The following CHN2 variants were observed in gnomAD, a reference collection of about 807,000 sequenced individuals.
CHN2 encodes the protein chimerin 2.
CHN2 carries 35 observed loss-of-function variants against 56.3 expected under a neutral mutation model. That is an observed-to-expected ratio of 0.62 (90% CI 0.47 to 0.82). The LOEUF (loss-of-function observed/expected upper bound fraction) is 0.82. Ranked by LOEUF, CHN2 falls within the 40% of genes least tolerant of loss-of-function variation. CHN2 has a pLI of 0.00. For missense variants in CHN2, 491 were observed against 580.5 expected (o/e 0.85, Z 1.58); for synonymous variants, 210 against 212.8 (o/e 0.99, Z 0.12).
chr7:29,480,748 A>C (rs981674043), intron 7 of CHN2, among the ~76,000 whole-genome samples: 1 of 152,208 alleles, frequency 6.6e-6, no homozygotes, highest in Non-Finnish European at 1.5e-5. Flanking sequence ...AAGGGAAAAC[A>C]GTTGCCTGTT....
chr7:29,446,416 T>A (rs190769780), intron 6 of CHN2, among the ~76,000 whole-genome samples: 2 of 152,328 alleles, frequency 1.3e-5, no homozygotes, highest in African/African-American at 4.8e-5. Flanking sequence ...TGTGTATCTA[T>A]ATCTCAAAAG....
At chr7:29,196,331 C>T (rs990386245) in intron 1 of CHN2, among the ~76,000 whole-genome samples, 10 of 152,152 alleles carry the variant, frequency 6.6e-5, no homozygotes, top group African/African-American at 2.4e-4. Context: ...ATTGAAAACA[C>T]GTTGTTGTTA....
At chr7:29,285,617 C>T (rs952700350) in intron 1 of CHN2, among the ~76,000 whole-genome samples, 13 of 152,222 alleles carry the variant, frequency 8.5e-5, no homozygotes, top group Non-Finnish European at 1.9e-4. Flanking sequence ...TCAAAATTCC[C>T]TTTTCACATA....
chr7:29,409,181 A>C (rs1043101850), intron 6 of CHN2, among the ~76,000 whole-genome samples: 1 of 152,128 alleles, frequency 6.6e-6, no homozygotes, highest in Admixed American at 6.5e-5. Context: ...GACTTGTAAA[A>C]ATCATCCCAG....
At chr7:29,324,825 C>G (rs1795682800) in intron 1 of CHN2, among the ~76,000 whole-genome samples, 2 of 152,100 alleles carry the variant, frequency 1.3e-5, no homozygotes, top group African/African-American at 2.4e-5. Flanking sequence ...TAATTTGATC[C>G]ACTGTACATG....
chr7:29,340,215 C>T (rs906677617), intron 1 of CHN2, among the ~76,000 whole-genome samples: 4 of 152,228 alleles, frequency 2.6e-5, no homozygotes, highest in African/African-American at 9.6e-5. Flanking sequence ...TTATTTTAAG[C>T]ATGAGTTTTA....
chr7:29,257,974 G>T (rs1789215046), intron 1 of CHN2, among the ~76,000 whole-genome samples: 1 of 151,824 alleles, frequency 6.6e-6, no homozygotes, highest in African/African-American at 2.4e-5. Context: ...TCTAGAGATA[G>T]GGTCTTGCCG....
chr7:29,473,470 G>GTTTTTTTTTTTTTTTTT (rs765290417), intron 6 of CHN2, among the ~76,000 whole-genome samples: 1 of 93,526 alleles, frequency 1.1e-5, no homozygotes, highest in African/African-American at 5.2e-5. Context: ...GTGTGTTTGT[G>GTTTTTTTTTTTTTTTTT]TTTTTTTTTT....
intron 3 of CHN2, among the ~76,000 whole-genome samples, chr7:29,391,550 G>T (rs547139217): frequency 1.3e-5 from 2 of 152,142 alleles, no homozygotes; most frequent in African/African-American, 2.4e-5. Context: ...ACAATTCAGG[G>T]CTCTTCTTTT....
At chr7:29,374,933 G>T (rs1378171367) in intron 3 of CHN2, among the ~76,000 whole-genome samples, 2 of 149,160 alleles carry the variant, frequency 1.3e-5, no homozygotes, top group African/African-American at 4.9e-5. Context: ...GTTGGCCCAG[G>T]CTGGAGTGCA....
chr7:29,313,126 C>T (rs1324643582), intron 1 of CHN2, among the ~76,000 whole-genome samples: 2 of 152,180 alleles, frequency 1.3e-5, no homozygotes, highest in Non-Finnish European at 2.9e-5. Flanking sequence ...TCAGTCCACT[C>T]AATTCTTTAA....
At chr7:29,292,677 A>C (rs1473245469) in intron 1 of CHN2, among the ~76,000 whole-genome samples, 1 of 152,226 alleles carries the variant, frequency 6.6e-6, no homozygotes, top group Non-Finnish European at 1.5e-5. Flanking sequence ...AAAGCGACTG[A>C]AATGTTATTG....
chr7:29,146,919 A>G, exon 2 of CHN2: 1 of 1,551,192 alleles, frequency 6.4e-7, no homozygotes, highest in Non-Finnish European at 8.7e-7. Context: ...TTAAAAAGGC[A>G]ACACACGTTC....
At chr7:29,472,967 C>A (rs1051454194) in intron 6 of CHN2, among the ~76,000 whole-genome samples, 1 of 152,132 alleles carries the variant, frequency 6.6e-6, no homozygotes, top group African/African-American at 2.4e-5. Flanking sequence ...ATAAGGCTAG[C>A]AGGCTAGTGA....
chr7:29,329,869 C>T (rs114104261), intron 1 of CHN2, among the ~76,000 whole-genome samples: 46 of 152,312 alleles, frequency 3.0e-4, no homozygotes, highest in African/African-American at 1.1e-3. Flanking sequence ...AAATATTTTC[C>T]TTGAGGAATC....
At chr7:29,283,872 C>G (rs1286559403) in intron 1 of CHN2, among the ~76,000 whole-genome samples, 1 of 150,784 alleles carries the variant, frequency 6.6e-6, no homozygotes, top group Non-Finnish European at 1.5e-5. Flanking sequence ...CTGCCTCTGC[C>G]TCCCAAAATG....
chr7:29,265,715 G>A (rs998911369), intron 1 of CHN2, among the ~76,000 whole-genome samples: 2 of 150,344 alleles, frequency 1.3e-5, no homozygotes, highest in Non-Finnish European at 2.9e-5. Context: ...GGGCTGGCAT[G>A]TAGGGAGGAG....
intron 1 of CHN2, among the ~76,000 whole-genome samples, chr7:29,243,757 A>G (rs1376482013): frequency 1.3e-5 from 2 of 152,194 alleles, no homozygotes. Context: ...AGAGAATCCA[A>G]AATTCCCACA....
intron 6 of CHN2, chr7:29,479,943 T>G: frequency 6.9e-7 from 1 of 1,444,086 alleles, no homozygotes; most frequent in Non-Finnish European, 9.0e-7. Flanking sequence ...CCGGGCCCCC[T>G]CCATCACTCA....
Sources: gnomAD v4.1 joint callset for allele counts (sites outside exome capture counted in the v4.1 genomes callset) on GRCh38, gnomAD v4.1.1 for gene constraint, MANE v1.5 for transcripts, NCBI Gene and HGNC (gene_info 2026-07-23, HGNC 2026-07-21) for gene names.